Variants in NRG1 observed in about 807,000 individuals in gnomAD.
The protein encoded by NRG1 is pro-neuregulin-1, membrane-bound isoform.
NRG1 carries 18 observed loss-of-function variants against 63.8 expected under a neutral mutation model. That is an observed-to-expected ratio of 0.28 (90% CI 0.19 to 0.42). NRG1 has a LOEUF of 0.42. Among genes scored for constraint, NRG1 ranks in the 10% least tolerant of loss-of-function variants. The pLI is 1.00. For synonymous variants in NRG1, 302 were observed against 301.3 expected, an observed-to-expected ratio of 1.00 and a Z score of -0.02; for missense variants, 762 against 814.7, an observed-to-expected ratio of 0.94 and a Z score of 0.79.
intron 1 of NRG1, among the ~76,000 whole-genome samples, chr8:32,066,302 G>C (rs1158647100): frequency 5.3e-5 from 8 of 152,136 alleles, no homozygotes; most frequent in Non-Finnish European, 1.2e-4. Context: ...TTTTCTTCTA[G>C]GGTTTTAATG....
intron 1 of NRG1, among the ~76,000 whole-genome samples, chr8:32,092,422 A>G (rs1587067533): frequency 1.4e-5 from 2 of 145,378 alleles, no homozygotes; most frequent in African/African-American, 5.1e-5. Context: ...TGATCATGAC[A>G]CTGCATTCCA....
intron 1 of NRG1, among the ~76,000 whole-genome samples, chr8:31,988,395 T>C (rs1420944146): frequency 6.6e-6 from 1 of 152,098 alleles, no homozygotes; most frequent in East Asian, 1.9e-4. Flanking sequence ...ACACCGCTCA[T>C]GTGGCCACCC....
chr8:32,108,523 A>C (rs1831573254), intron 1 of NRG1, among the ~76,000 whole-genome samples: 1 of 152,184 alleles, frequency 6.6e-6, no homozygotes, highest in African/African-American at 2.4e-5. Context: ...TAAAGGCTCT[A>C]TCTCTTAAAA....
rs28368173 is a variant in NRG1 at position 32,598,737 on chromosome 8, C to T, written c.278+2732C>T. The stretch of plus-strand genomic sequence containing the variant: ...ATAGAGTGGACAGCTACTTGAGAAG[C>T]GATCATCTTATCAGTTTTTAGAATT... On this transcript the variant is annotated intron_variant, in intron 2 of 11. Transcript: ENST00000356819. 6.7e-3 allele frequency among the ~76,000 whole-genome samples: 1,021 copies of T among 152,110 alleles called. 9 individuals are homozygous for T. The highest frequency in any genetic ancestry group is 0.023 in the African/African-American group (971 of 41,538).
intron 1 of NRG1, among the ~76,000 whole-genome samples, chr8:32,192,953 C>T (rs73232265): frequency 0.069 from 10,462 of 151,860 alleles, 406 homozygotes; most frequent in African/African-American, 0.1. Context: ...ATTTATTTAA[C>T]AAGAACGTAA....
At chr8:31,822,786 T>C (rs1824129110) in intron 1 of NRG1, among the ~76,000 whole-genome samples, 4 of 152,204 alleles carry the variant, frequency 2.6e-5, no homozygotes, top group Admixed American at 2.6e-4. Context: ...TGTATTGTTT[T>C]GCAAATAGAA....
At chr8:31,930,018 G>A (rs1834735625) in intron 1 of NRG1, among the ~76,000 whole-genome samples, 1 of 152,174 alleles carries the variant, frequency 6.6e-6, no homozygotes, top group East Asian at 1.9e-4. Flanking sequence ...TTCTGTAGCT[G>A]GCTGGGACTG....
chr8:32,336,058 A>G (rs1803224989), intron 1 of NRG1, among the ~76,000 whole-genome samples: 1 of 152,186 alleles, frequency 6.6e-6, no homozygotes, highest in South Asian at 2.1e-4. Flanking sequence ...GCTATTACTA[A>G]CTATGAAGCA....
intron 1 of NRG1, among the ~76,000 whole-genome samples, chr8:31,698,421 A>T (rs986026180): frequency 6.6e-6 from 1 of 152,194 alleles, no homozygotes; most frequent in African/African-American, 2.4e-5. Flanking sequence ...AATAAACAAC[A>T]TGTTAAAAAT....
intron 1 of NRG1, among the ~76,000 whole-genome samples, chr8:31,846,931 T>C (rs1046268210): frequency 6.6e-6 from 1 of 152,052 alleles, no homozygotes; most frequent in African/African-American, 2.4e-5. Flanking sequence ...TATCAAGAGG[T>C]TCATGAACTA....
At chr8:32,601,697 C>A (rs1844390054) in intron 2 of NRG1, among the ~76,000 whole-genome samples, 1 of 151,878 alleles carries the variant, frequency 6.6e-6, no homozygotes, top group Non-Finnish European at 1.5e-5. Context: ...CAATTCTGAT[C>A]ACCCTCTTCT....
At chr8:32,143,717 C>T (rs141558174) in intron 1 of NRG1, among the ~76,000 whole-genome samples, 4 of 152,328 alleles carry the variant, frequency 2.6e-5, no homozygotes, top group African/African-American at 9.6e-5. Context: ...AAGTATTCCA[C>T]CCAACACTTC....
At chr8:32,710,641 A>T (rs536874697) in intron 5 of NRG1, among the ~76,000 whole-genome samples, 51 of 152,196 alleles carry the variant, frequency 3.4e-4, no homozygotes, top group Non-Finnish European at 7.1e-4. Context: ...TATTTTTTAA[A>T]AGGAAAATGA....
chr8:32,225,847 G>T (rs899456019), intron 1 of NRG1, among the ~76,000 whole-genome samples: 2 of 152,098 alleles, frequency 1.3e-5, no homozygotes, highest in Non-Finnish European at 2.9e-5. Context: ...TTTTCAAAAG[G>T]TTTTAAGAGT....
intron 1 of NRG1, among the ~76,000 whole-genome samples, chr8:32,080,819 G>A (rs538631397): frequency 6.6e-6 from 1 of 151,574 alleles, no homozygotes; most frequent in South Asian, 2.1e-4. Flanking sequence ...GACAGAGACA[G>A]ACAGAAAGAG....
At chr8:32,196,724 A>G (rs1842982634) in intron 1 of NRG1, among the ~76,000 whole-genome samples, 1 of 152,096 alleles carries the variant, frequency 6.6e-6, no homozygotes, top group Admixed American at 6.6e-5. Flanking sequence ...TTTCAAACAC[A>G]TTCAAATAAA....
At chr8:32,559,256 A>AAAAAAAAAAAAAAAAAAAT (rs1393676483) in intron 1 of NRG1, among the ~76,000 whole-genome samples, 1 of 150,448 alleles carries the variant, frequency 6.6e-6, no homozygotes, top group Non-Finnish European at 1.5e-5. Context: ...AAAAAAAAAA[A>AAAAAAAAAAAAAAAAAAAT]AAAAAAATCA....
intron 1 of NRG1, among the ~76,000 whole-genome samples, chr8:32,245,031 C>G (rs566880086): frequency 6.6e-6 from 1 of 152,102 alleles, no homozygotes; most frequent in Non-Finnish European, 1.5e-5. Context: ...TGTTCAGTCT[C>G]GGTTAGCTTT....
chr8:32,614,633 A>G lies in NRG1; in HGVS notation c.451+69A>G, dbSNP rs1847000242. 10 of 1,400,976 alleles carry G rather than the reference A, an allele frequency of 7.1e-6. No homozygotes were observed. In the South Asian group the frequency reaches 1.1e-4, roughly 15 times the overall value. 86.8% of individuals were successfully genotyped at this position (1,400,976 alleles called of 1,614,324 possible). On this transcript the variant is annotated intron_variant, in intron 4 of 11. Transcript: ENST00000356819. ...ACCATAACTGCTGGCTGCTCCTTCTACTAATCAGAACCCCTTCTGCATCCA... is the reference window on the plus strand; with the variant it reads ...ACCATAACTGCTGGCTGCTCCTTCTGCTAATCAGAACCCCTTCTGCATCCA...
Sources: allele counts gnomAD v4.1 joint callset (sites outside exome capture counted in the v4.1 genomes callset), GRCh38; gene constraint gnomAD v4.1.1; transcripts MANE v1.5; gene names NCBI Gene and HGNC (gene_info 2026-07-23, HGNC 2026-07-21).